The following SLC4A10 variants were observed in gnomAD, a reference collection of about 807,000 sequenced individuals.
SLC4A10 encodes the protein solute carrier family 4 member 10, also known as sodium-driven chloride bicarbonate exchanger.
SLC4A10 carries 42 observed loss-of-function variants against 137.7 expected under a neutral mutation model. That is an observed-to-expected ratio of 0.30 (90% CI 0.24 to 0.39). The LOEUF (loss-of-function observed/expected upper bound fraction) is 0.39. SLC4A10 is among the 10% of genes least tolerant of loss of function. SLC4A10 has a pLI of 1.00. For missense variants in SLC4A10, 925 were observed against 1,355.0 expected, an observed-to-expected ratio of 0.68 and a Z score of 4.98; for synonymous variants, 474 against 464.1, an observed-to-expected ratio of 1.02 and a Z score of -0.27.
chr2:161,914,729 C>G (rs537322028), intron 15 of SLC4A10, among the ~76,000 whole-genome samples: 6 of 152,158 alleles, frequency 3.9e-5, no homozygotes, highest in Admixed American at 2.6e-4. Context: ...TGATATGACT[C>G]AATGTTATAG....
intron 1 of SLC4A10, among the ~76,000 whole-genome samples, chr2:161,631,745 A>C (rs1352274422): frequency 6.6e-6 from 1 of 151,768 alleles, no homozygotes; most frequent in African/African-American, 2.4e-5. Flanking sequence ...CAGAAGTGCC[A>C]TTTATATAGT....
intron 1 of SLC4A10, among the ~76,000 whole-genome samples, chr2:161,626,299 G>A (rs1573952863): frequency 6.6e-6 from 1 of 151,998 alleles, no homozygotes; most frequent in South Asian, 2.1e-4. Context: ...GACCAAATGA[G>A]GATTAACTAG....
chr2:161,730,014 A>C (rs1480168402), intron 1 of SLC4A10, among the ~76,000 whole-genome samples: 4 of 152,214 alleles, frequency 2.6e-5, no homozygotes, highest in Admixed American at 2.6e-4. Context: ...TGCAAACCCA[A>C]ACAGGCTAAA....
At chr2:161,713,209 G>A (rs2044483463) in intron 1 of SLC4A10, among the ~76,000 whole-genome samples, 1 of 151,790 alleles carries the variant, frequency 6.6e-6, no homozygotes, top group South Asian at 2.1e-4. Flanking sequence ...GATAAGTGTA[G>A]AATCTTGAAT....
chr2:161,651,349 C>T (rs1195006809), intron 1 of SLC4A10: 1 of 152,394 alleles, frequency 6.6e-6, no homozygotes, highest in Admixed American at 6.6e-5. Flanking sequence ...TCCTCTCCAC[C>T]TGGCTCACCC....
chr2:161,979,863 T>G (rs1031857894), intron 26 of SLC4A10, among the ~76,000 whole-genome samples: 1 of 152,206 alleles, frequency 6.6e-6, no homozygotes, highest in Non-Finnish European at 1.5e-5. Context: ...CTAGAAACCC[T>G]TTTTTCATGG....
intron 3 of SLC4A10, among the ~76,000 whole-genome samples, chr2:161,809,366 G>A (rs2056321841): frequency 6.6e-6 from 1 of 152,018 alleles, no homozygotes; most frequent in Non-Finnish European, 1.5e-5. Flanking sequence ...CTGTGCAGAG[G>A]CTCTTTAGTT....
chr2:161,905,643 G>T lies in SLC4A10; in HGVS notation c.1753G>T (p.Glu585Ter). 1 of 1,597,828 alleles carries T rather than the reference G, an allele frequency of 6.3e-7. No individual in the cohort carries two copies. Among genetic ancestry groups the T allele is most frequent in the South Asian group, 1.1e-5 (1 of 88,282 alleles). ...FEKILFKFCK[E>*]YGLSYLSLRA... ...GTTCTTTCCTTTTCCTCCTCCCAGA[G>T]AATATGGGCTGTCATACCTATCTTT... The change falls in exon 15 of 27, where the codon GAA (glutamate) becomes TAA (stop). Residue 585 changes from glutamate to a stop codon, truncating the protein, a stop_gained and splice_region_variant. Transcript: ENST00000446997. LOFTEE classifies it high-confidence loss of function.
intron 4 of SLC4A10, among the ~76,000 whole-genome samples, chr2:161,844,476 C>G (rs574274036): frequency 7.9e-5 from 12 of 152,120 alleles, no homozygotes; most frequent in African/African-American, 2.4e-4. Flanking sequence ...CAGCCATGTC[C>G]CCCAACTATC....
At chr2:161,624,642 G>A in intron 1 of SLC4A10, 76 bp downstream of exon 1, 1 of 1,544,698 alleles carries the variant, frequency 6.5e-7, no homozygotes, top group African/African-American at 1.4e-5. Context: ...CTGCTAGCTA[G>A]GTGCAGCGAG....
chr2:161,879,081 C>A (rs1168002648), intron 8 of SLC4A10, 50 bp from the exon 9 acceptor site: 1 of 1,569,296 alleles, frequency 6.4e-7, no homozygotes, highest in Non-Finnish European at 8.7e-7. Context: ...ATATGATTTA[C>A]CAGATTTTTC....
At position 161,733,993 on chromosome 2, in the gene SLC4A10, C is replaced by A. The variant is rs184597096; in HGVS notation, c.49-36980C>A. On this transcript the variant is annotated intron_variant, in intron 1 of 26. Transcript: ENST00000446997. ...TCCCATTTGGAACAGCTGTATTTAC[C>A]CAATACCTGTACCCCATTGTATCTA... Among the ~76,000 whole-genome samples, 128 of 152,226 alleles carry A rather than the reference C, an allele frequency of 8.4e-4. 1 individual carries two copies. Among genetic ancestry groups the A allele is most frequent in the South Asian group, 1.2e-3 (6 of 4,824 alleles).
At chr2:161,759,511 A>G (rs1011674118) in intron 1 of SLC4A10, among the ~76,000 whole-genome samples, 1 of 151,836 alleles carries the variant, frequency 6.6e-6, no homozygotes, top group Non-Finnish European at 1.5e-5. Context: ...CTGGCAACCA[A>G]CCTTCTACAC....
chr2:161,805,993 C>A (rs1336277678), intron 3 of SLC4A10, among the ~76,000 whole-genome samples: 2 of 152,210 alleles, frequency 1.3e-5, no homozygotes, highest in Non-Finnish European at 2.9e-5. Context: ...GCCTGGGCAT[C>A]CAGGCATTTC....
At chr2:161,938,163 C>T (rs1411079989) in intron 15 of SLC4A10, among the ~76,000 whole-genome samples, 4 of 152,010 alleles carry the variant, frequency 2.6e-5, no homozygotes, top group African/African-American at 4.8e-5. Flanking sequence ...CCTAGCTATT[C>T]GGGAGGCTGA....
At chr2:161,702,337 C>A (rs2043209493) in intron 1 of SLC4A10, among the ~76,000 whole-genome samples, 1 of 151,766 alleles carries the variant, frequency 6.6e-6, no homozygotes, top group Non-Finnish European at 1.5e-5. Flanking sequence ...AAAAATTTCA[C>A]TTAAGGGATT....
chr2:161,982,026 A>G (rs1357324285), intron 26 of SLC4A10, among the ~76,000 whole-genome samples: 1 of 152,232 alleles, frequency 6.6e-6, no homozygotes, highest in Non-Finnish European at 1.5e-5. Context: ...GTTATTGACC[A>G]CTTAGAAAGT....
chr2:161,883,120 T>A (rs2061940219), intron 10 of SLC4A10, among the ~76,000 whole-genome samples: 1 of 152,018 alleles, frequency 6.6e-6, no homozygotes, highest in Non-Finnish European at 1.5e-5. Context: ...TTACTTGGGT[T>A]CTCCAACACA....
chr2:161,884,460 C>T (rs776870705), intron 10 of SLC4A10, among the ~76,000 whole-genome samples: 1 of 152,160 alleles, frequency 6.6e-6, no homozygotes, highest in Non-Finnish European at 1.5e-5. Context: ...GGACACAGAA[C>T]AGGGAAACAT....
Sources: allele counts gnomAD v4.1 joint callset (sites outside exome capture counted in the v4.1 genomes callset), GRCh38; gene constraint gnomAD v4.1.1; transcripts MANE v1.5; gene names NCBI Gene and HGNC (gene_info 2026-07-23, HGNC 2026-07-21).